Variants in RIPOR2 observed in about 807,000 individuals in gnomAD.
The protein encoded by RIPOR2 is rho family-interacting cell polarization regulator 2.
Under a neutral mutation model 114.5 loss-of-function variants are expected in RIPOR2, and 39 were observed. The ratio of observed to expected loss-of-function variants is 0.34; its 90% CI spans 0.26 to 0.44. The LOEUF is 0.44. Among genes scored for constraint, RIPOR2 ranks in the 20% least tolerant of loss-of-function variants. RIPOR2 has a pLI of 1.00. For missense variants in RIPOR2, 1,007 were observed against 1,255.1 expected, an observed-to-expected ratio of 0.80 and a Z score of 2.99; for synonymous variants, 445 against 484.4, an observed-to-expected ratio of 0.92 and a Z score of 1.07.
intron 12 of RIPOR2, among the ~76,000 whole-genome samples, chr6:24,846,665 G>T (rs1762322495): frequency 6.6e-6 from 1 of 151,966 alleles, no homozygotes; most frequent in Non-Finnish European, 1.5e-5. Flanking sequence ...TGAACCCAAA[G>T]ACTTTTAATC....
chr6:25,020,208 A>C (rs1190833834), intron 1 of RIPOR2, among the ~76,000 whole-genome samples: 1 of 152,200 alleles, frequency 6.6e-6, no homozygotes, highest in Non-Finnish European at 1.5e-5. Flanking sequence ...AAACCAAGTA[A>C]GTCATTTATA....
rs999278063 is a variant in RIPOR2, at chr6:24,825,373, C to G, written c.2721G>C (p.Met907Ile). The G allele has an allele frequency of 6.4e-7, 1 of 1,552,118 alleles. No individual in the cohort carries two copies. Among genetic ancestry groups the G allele is most frequent in the Non-Finnish European group, 8.7e-7 (1 of 1,147,064 alleles). The change falls in exon 19 of 22, where the codon ATG becomes ATC. Residue 907 changes from methionine (M) to isoleucine (I), a missense_variant. Coordinates refer to ENST00000643898, the MANE Select transcript of RIPOR2 (RefSeq NM_001286445.3). ...SLRDEKLLQT[M>I]SDLAPSNLLA... ...GGAGGTTGCTGGGAGCAAGGTCACT[C>G]ATGGTTTGTAGCAGTTTTTCATCTC...
intron 6 of RIPOR2, among the ~76,000 whole-genome samples, chr6:24,868,172 C>T (rs1764813106): frequency 6.6e-6 from 1 of 152,182 alleles, no homozygotes; most frequent in African/African-American, 2.4e-5. Context: ...TATATCCATA[C>T]ATACAAATCA....
chr6:25,031,084 T>C (rs1044364338), intron 1 of RIPOR2: 9 of 152,264 alleles, frequency 5.9e-5, no homozygotes, highest in African/African-American at 1.9e-4. Flanking sequence ...CAGGAGTTTT[T>C]ACCTGCTCTG....
intron 1 of RIPOR2, among the ~76,000 whole-genome samples, chr6:24,924,505 G>A (rs555377414): frequency 2.6e-5 from 4 of 152,204 alleles, no homozygotes; most frequent in South Asian, 2.1e-4. Flanking sequence ...TTAGTCTTAC[G>A]GTGTTTCTCC....
In RIPOR2 at chr6:25,023,205, A is replaced by C. The variant is rs1776417159; in HGVS notation, c.76+18646T>G. 7.7e-5 allele frequency: 49 copies of C among 638,148 alleles called. 1 individual carries two copies. The highest frequency in any genetic ancestry group is 6.7e-4 in the South Asian group (49 of 73,680). 39.5% of individuals were successfully genotyped at this position (638,148 alleles called of 1,614,324 possible). A position where few individuals can be genotyped will look rare whatever the true frequency, so the allele number is the denominator to read the frequency against. ...AACAATTAGCGCCTGTACTTGGGGG[A>C]TCTGCAAATTGAGGAGGCTCCAGCT... On this transcript the variant is annotated intron_variant, in intron 1 of 13. Coordinates refer to the RIPOR2 transcript ENST00000510784.
At chr6:24,939,255 G>A (rs564172672), upstream of RIPOR2, among the ~76,000 whole-genome samples, 2 of 152,316 alleles carry the variant, frequency 1.3e-5, no homozygotes, top group African/African-American at 4.8e-5. Context: ...TCTATGTAAA[G>A]TCTAAAAGAA....
chr6:25,004,849 GACAA>G (rs1775481248), intron 1 of RIPOR2, among the ~76,000 whole-genome samples: 1 of 151,958 alleles, frequency 6.6e-6, no homozygotes, highest in Non-Finnish European at 1.5e-5. Flanking sequence ...TTTGAAGGGA[GACAA>G]ACATTTTTCC....
intron 19 of RIPOR2, among the ~76,000 whole-genome samples, chr6:24,821,901 T>C (rs1759734184): frequency 6.6e-6 from 1 of 152,202 alleles, no homozygotes; most frequent in South Asian, 2.1e-4. Flanking sequence ...GGAAGGACAA[T>C]TTAAGTTGTG....
chr6:24,852,084 A>AC lies in RIPOR2; in HGVS notation c.759+490dup, dbSNP rs1162115473. On this transcript the variant is annotated intron_variant, in intron 9 of 21. Coordinates refer to ENST00000643898, the MANE Select transcript of RIPOR2 (RefSeq NM_001286445.3). ...AGACCAGCCTGGCCAACATGGTGAA[A>AC]CCCCATCTCTACTAAAAATACAAAA... 1.4e-4 allele frequency among the ~76,000 whole-genome samples: 22 copies of AC among 151,810 alleles called. No individual in the cohort carries two copies. In the South Asian group the frequency reaches 1.7e-3, roughly 11 times the overall value.
chr6:24,826,102 T>C (rs1365678881), intron 18 of RIPOR2, among the ~76,000 whole-genome samples: 1 of 151,958 alleles, frequency 6.6e-6, no homozygotes, highest in East Asian at 1.9e-4. Flanking sequence ...AATTGTTGTA[T>C]TTTTAGTAGA....
In RIPOR2 at chr6:24,874,931, A is replaced by C. The variant is rs77173760; in HGVS notation, c.188+760T>G. On this transcript the variant is annotated intron_variant, in intron 2 of 21. Coordinates refer to ENST00000643898, the MANE Select transcript of RIPOR2 (RefSeq NM_001286445.3). ...CAGGGATACAGCTTGCAGCGGTAAG[A>C]TGGATATCTGATAACTTAAAACCAG... Among the ~76,000 whole-genome samples the C allele has an allele frequency of 2.0e-4, 30 of 152,342 alleles. 1 individual carries two copies. In the East Asian group the frequency reaches 4.8e-3, roughly 24 times the overall value.
chr6:24,832,527 A>T (rs1760769315), intron 15 of RIPOR2, 136 bp from the exon 16 acceptor site: 1 of 753,138 alleles, frequency 1.3e-6, no homozygotes, highest in Admixed American at 2.7e-5. Context: ...CTCGATAATG[A>T]TCCTCATTCC....
At chr6:24,916,705 C>G (rs755809292) in intron 1 of RIPOR2, among the ~76,000 whole-genome samples, 32 of 152,204 alleles carry the variant, frequency 2.1e-4, no homozygotes, top group Middle Eastern at 3.2e-3. Flanking sequence ...GTGTCTGGCA[C>G]CCATGATAAG....
intron 1 of RIPOR2, among the ~76,000 whole-genome samples, chr6:24,977,856 A>G (rs1030105431): frequency 4.6e-5 from 7 of 152,200 alleles, no homozygotes; most frequent in Non-Finnish European, 8.8e-5. Flanking sequence ...CCCTACCTCC[A>G]TGTATTCATC....
At chr6:24,847,172 T>C (rs144609699) in intron 12 of RIPOR2, among the ~76,000 whole-genome samples, 2 of 152,206 alleles carry the variant, frequency 1.3e-5, no homozygotes, top group Admixed American at 6.5e-5. Flanking sequence ...AGGCTGGTCT[T>C]GAATGCCTGA....
chr6:24,837,382 AG>A (rs1420849136), intron 14 of RIPOR2, among the ~76,000 whole-genome samples: 1 of 152,022 alleles, frequency 6.6e-6, no homozygotes, highest in East Asian at 1.9e-4. Flanking sequence ...AGCTTCCCAA[AG>A]TGCTGGGATT....
At position 24,895,275 on chromosome 6, in the gene RIPOR2, T is replaced by A. The variant is rs1445601228; in HGVS notation, c.62-19458A>T. On this transcript the variant is annotated intron_variant, in intron 1 of 21. Transcript: ENST00000643898. The stretch of plus-strand genomic sequence containing the variant: ...TATGTTGGTCAGGCTGGTCTCGAAC[T>A]CCTGACCTCATGATCCGCCCGCCTT... Among the ~76,000 whole-genome samples the A allele has an allele frequency of 2.0e-5, 3 of 152,140 alleles. No homozygotes were observed. In the East Asian group the frequency reaches 5.8e-4, roughly 29 times the overall value.
chr6:24,891,115 C>T (rs1469405134), intron 1 of RIPOR2, among the ~76,000 whole-genome samples: 1 of 152,124 alleles, frequency 6.6e-6, no homozygotes, highest in African/African-American at 2.4e-5. Context: ...AAGAGTTATT[C>T]CAGGATCTTA....
Sources: gnomAD v4.1 joint callset for allele counts (sites outside exome capture counted in the v4.1 genomes callset) on GRCh38, gnomAD v4.1.1 for gene constraint, MANE v1.5 for transcripts, NCBI Gene and HGNC (gene_info 2026-07-23, HGNC 2026-07-21) for gene names.